The following CDH18 variants were observed in gnomAD, a reference collection of about 807,000 sequenced individuals.
The protein encoded by CDH18 is cadherin-18.
In CDH18, 31 loss-of-function variants were observed where a neutral mutation model predicts 67.9. The ratio of observed to expected loss-of-function variants is 0.46; its 90% CI spans 0.34 to 0.62. The LOEUF (loss-of-function observed/expected upper bound fraction) is 0.62, where lower values mean the gene tolerates loss of function less well. Among genes scored for constraint, CDH18 ranks in the 20% least tolerant of loss-of-function variants. The probability of loss-of-function intolerance (pLI) is 0.01; values close to 1 mark genes in which losing one functional copy is unlikely to be tolerated. For missense variants in CDH18, 890 were observed against 975.5 expected (o/e 0.91, Z 1.17); for synonymous variants, 362 against 347.2 (o/e 1.04, Z -0.48).
chr5:20,543,034 A>T (rs1048474104), intron 1 of CDH18, among the ~76,000 whole-genome samples: 1 of 152,046 alleles, frequency 6.6e-6, no homozygotes, highest in African/African-American at 2.4e-5. Context: ...AGGCATGAAA[A>T]TCAAGATTGT....
intron 5 of CDH18, among the ~76,000 whole-genome samples, chr5:19,665,173 G>T (rs13177838): frequency 0.6 from 90,634 of 151,222 alleles, 28,608 homozygotes; most frequent in South Asian, 0.74. Flanking sequence ...ACATTATGAA[G>T]TGTGAAATAC....
chr5:20,406,290 G>A (rs183589082), intron 1 of CDH18, among the ~76,000 whole-genome samples: 8 of 152,218 alleles, frequency 5.3e-5, no homozygotes, highest in Admixed American at 5.2e-4. Context: ...GTCGGGACAT[G>A]GATGAAGCTG....
chr5:19,560,060 A>G (rs1739182028), intron 8 of CDH18, among the ~76,000 whole-genome samples: 1 of 152,152 alleles, frequency 6.6e-6, no homozygotes, highest in Non-Finnish European at 1.5e-5. Flanking sequence ...GATGGAGTCA[A>G]TCAATATTGT....
chr5:20,236,240 AT>A (rs797003205), intron 2 of CDH18, among the ~76,000 whole-genome samples: 4 of 151,982 alleles, frequency 2.6e-5, no homozygotes, highest in Non-Finnish European at 2.9e-5. Context: ...CTTGAAAAAA[AT>A]AATAAATAAA....
chr5:20,480,853 C>T (rs569567906), intron 1 of CDH18, among the ~76,000 whole-genome samples: 1 of 152,068 alleles, frequency 6.6e-6, no homozygotes, highest in South Asian at 2.1e-4. Flanking sequence ...CTGCCACTGC[C>T]ACACATAAAC....
intron 1 of CDH18, among the ~76,000 whole-genome samples, chr5:20,553,279 T>C (rs2126627483): frequency 6.6e-6 from 1 of 152,266 alleles, no homozygotes; most frequent in African/African-American, 2.4e-5. Flanking sequence ...ATTTTAATAT[T>C]TATTATTTTT....
intron 9 of CDH18, among the ~76,000 whole-genome samples, chr5:19,520,996 A>G (rs995336261): frequency 3.3e-5 from 5 of 152,182 alleles, no homozygotes; most frequent in Non-Finnish European, 5.9e-5. Context: ...TGCCAAAATG[A>G]TATTTTGTCA....
At chr5:19,842,474 C>G (rs1434804477) in intron 2 of CDH18, among the ~76,000 whole-genome samples, 1 of 152,182 alleles carries the variant, frequency 6.6e-6, no homozygotes, top group Non-Finnish European at 1.5e-5. Flanking sequence ...TGAAAAAGAA[C>G]ATGTTTGCTT....
At chr5:20,044,033 A>C (rs1216110525) in intron 2 of CDH18, among the ~76,000 whole-genome samples, 1 of 152,216 alleles carries the variant, frequency 6.6e-6, no homozygotes. Context: ...AGGGAGTGAC[A>C]AACAGACTCA....
intron 2 of CDH18, among the ~76,000 whole-genome samples, chr5:20,168,821 G>A (rs190189244): frequency 1.2e-4 from 18 of 152,250 alleles, no homozygotes; most frequent in Non-Finnish European, 2.5e-4. Context: ...ATAAAAGAAT[G>A]GCATCTTATC....
intron 2 of CDH18, among the ~76,000 whole-genome samples, chr5:20,065,064 T>C (rs1742858443): frequency 6.6e-6 from 1 of 152,038 alleles, no homozygotes; most frequent in Non-Finnish European, 1.5e-5. Flanking sequence ...GCTTTCTCTC[T>C]TCTTGCAGGT....
At chr5:19,524,962 G>T (rs1351386032) in intron 9 of CDH18, among the ~76,000 whole-genome samples, 7 of 152,056 alleles carry the variant, frequency 4.6e-5, no homozygotes, top group Non-Finnish European at 1.0e-4. Flanking sequence ...AGACAAGATG[G>T]TCTCCATCTC....
rs897269825 is a variant in CDH18 at position 19,483,180 on chromosome 5, G to C, written c.1882+121C>G. ...ACAGTATTGAGAAAATTAATTCATAGGAAATTGGAGCAGCTGTTTCCTTAC... is the reference window on the plus strand; with the variant it reads ...ACAGTATTGAGAAAATTAATTCATACGAAATTGGAGCAGCTGTTTCCTTAC... On this transcript the variant is annotated intron_variant, in intron 12 of 12. Transcript: ENST00000382275. 5.7e-6 allele frequency: 5 copies of C among 874,038 alleles called. No individual in the cohort carries two copies. In the African/African-American group the frequency reaches 8.4e-5, roughly 15 times the overall value. The allele number at this position is 874,038 out of a possible 1,614,324, so 54.1% of individuals were successfully genotyped here.
chr5:20,379,221 C>T (rs1233430675), intron 1 of CDH18, among the ~76,000 whole-genome samples: 1 of 152,040 alleles, frequency 6.6e-6, no homozygotes, highest in East Asian at 1.9e-4. Flanking sequence ...TATTAGTTTG[C>T]TTATATTATG....
chr5:20,131,353 C>T (rs981845614), intron 2 of CDH18, among the ~76,000 whole-genome samples: 4 of 152,118 alleles, frequency 2.6e-5, no homozygotes, highest in South Asian at 2.1e-4. Context: ...CCTTTCATTG[C>T]TAATATTTGG....
chr5:19,706,214 C>A lies in CDH18; in HGVS notation c.643+15133G>T, dbSNP rs1025065599. 3.3e-5 allele frequency among the ~76,000 whole-genome samples: 5 copies of A among 152,180 alleles called. No homozygotes were observed. In the South Asian group the frequency reaches 8.3e-4, roughly 25 times the overall value. On this transcript the variant is annotated intron_variant, in intron 5 of 12. Transcript: ENST00000382275. Reference sequence around the variant, plus strand: ...ACTTTGTTTACCCAATTGCAAACAGCAGTTAGGAGTAGAATGTACCCTTTT... The same window carrying A: ...ACTTTGTTTACCCAATTGCAAACAGAAGTTAGGAGTAGAATGTACCCTTTT...
At chr5:20,567,627 TG>T (rs1561139036) in intron 1 of CDH18, among the ~76,000 whole-genome samples, 1 of 152,016 alleles carries the variant, frequency 6.6e-6, no homozygotes, top group Non-Finnish European at 1.5e-5. Context: ...AGAAAAGATA[TG>T]AGAATGTGCT....
At chr5:19,828,794 T>C (rs1780703076) in intron 3 of CDH18, among the ~76,000 whole-genome samples, 1 of 152,138 alleles carries the variant, frequency 6.6e-6, no homozygotes, top group Admixed American at 6.5e-5. Context: ...CCCAGTACTT[T>C]GGGAGGCCAA....
chr5:20,465,127 C>A (rs532441370), intron 1 of CDH18, among the ~76,000 whole-genome samples: 1 of 152,084 alleles, frequency 6.6e-6, no homozygotes, highest in Non-Finnish European at 1.5e-5. Context: ...ACTCTGTTTT[C>A]TAAAAGTGTA....
Sources: allele counts gnomAD v4.1 joint callset (sites outside exome capture counted in the v4.1 genomes callset), GRCh38; gene constraint gnomAD v4.1.1; transcripts MANE v1.5; gene names NCBI Gene and HGNC (gene_info 2026-07-23, HGNC 2026-07-21).